Variants in GRHL2 observed in about 807,000 individuals in gnomAD.
GRHL2 encodes grainyhead-like protein 2 homolog.
Under a neutral mutation model 83.8 loss-of-function variants are expected in GRHL2, and 21 were observed. The ratio of observed to expected loss-of-function variants is 0.25; its 90% CI spans 0.18 to 0.36. GRHL2 has a LOEUF of 0.36. Among genes scored for constraint, GRHL2 ranks in the 10% least tolerant of loss-of-function variants. The probability of loss-of-function intolerance (pLI) is 1.00; values close to 1 mark genes in which losing one functional copy is unlikely to be tolerated. For synonymous variants in GRHL2, 280 were observed against 278.9 expected (o/e 1.00, Z -0.04); for missense variants, 623 against 781.8 (o/e 0.80, Z 2.42).
intron 4 of GRHL2, among the ~76,000 whole-genome samples, chr8:101,564,755 G>T (rs1811679296): frequency 7.4e-6 from 1 of 134,744 alleles, no homozygotes; most frequent in Non-Finnish European, 1.5e-5. Flanking sequence ...CAGGCTGCAG[G>T]AAGCTATGAT....
At chr8:101,547,943 G>T (rs1005704914) in intron 2 of GRHL2, among the ~76,000 whole-genome samples, 1 of 152,192 alleles carries the variant, frequency 6.6e-6, no homozygotes, top group Non-Finnish European at 1.5e-5. Flanking sequence ...AAATGTGACA[G>T]ATTCAATTAG....
chr8:101,678,586 C>A, the GRHL2 span, among the ~76,000 whole-genome samples: 1 of 151,784 alleles, frequency 6.6e-6, no homozygotes, highest in Non-Finnish European at 1.5e-5. Flanking sequence ...CACCACAGCT[C>A]AAGGAGGCCT....
At chr8:101,584,424 T>C (rs1812121745) in intron 7 of GRHL2, among the ~76,000 whole-genome samples, 1 of 152,162 alleles carries the variant, frequency 6.6e-6, no homozygotes, top group Non-Finnish European at 1.5e-5. Flanking sequence ...CATAGTTCTC[T>C]TTGAGGGCAA....
Position 101,626,496 on chromosome 8 carries a change from C to A in GRHL2, c.1258-5141C>A, listed in dbSNP as rs552540022. 4.6e-5 allele frequency among the ~76,000 whole-genome samples: 7 copies of A among 152,126 alleles called. No homozygotes were observed. The South Asian group carries it at 1.5e-3, about 32-fold the overall frequency. ...CTTTCGTGAAGGTTTTGTATTACTGCAAACAATAGCTACATATTGTGGAAA... is the reference window on the plus strand; with the variant it reads ...CTTTCGTGAAGGTTTTGTATTACTGAAAACAATAGCTACATATTGTGGAAA... On this transcript the variant is annotated intron_variant, in intron 9 of 15. Transcript: ENST00000646743.
At chr8:101,522,371 T>A (rs1013727456) in intron 1 of GRHL2, among the ~76,000 whole-genome samples, 11 of 152,168 alleles carry the variant, frequency 7.2e-5, no homozygotes, top group Admixed American at 6.5e-4. Context: ...TTATAAGTAA[T>A]CTAGAGGTGA....
At chr8:101,578,002 C>T (rs766456478) in intron 7 of GRHL2, among the ~76,000 whole-genome samples, 6 of 152,142 alleles carry the variant, frequency 3.9e-5, no homozygotes, top group Non-Finnish European at 7.3e-5. Context: ...GCTAGGTGGT[C>T]ACGCAAGTGA....
chr8:101,636,766 C>CACACTGTT, intron 11 of GRHL2, 131 bp from the exon 12 acceptor site: 2 of 752,230 alleles, frequency 2.7e-6, no homozygotes, highest in Non-Finnish European at 4.8e-6. Flanking sequence ...CACACACACA[C>CACACTGTT]TGTTATTAAA....
chr8:101,670,832 T>A (rs1563638165), downstream of GRHL2, among the ~76,000 whole-genome samples: 1 of 152,216 alleles, frequency 6.6e-6, no homozygotes, highest in Non-Finnish European at 1.5e-5. Flanking sequence ...CTCTCTACAC[T>A]GATTCAGTTC....
chr8:101,539,942 G>T (rs1268440237), intron 1 of GRHL2, among the ~76,000 whole-genome samples: 1 of 152,136 alleles, frequency 6.6e-6, no homozygotes, highest in African/African-American at 2.4e-5. Flanking sequence ...TGGCAGGTAC[G>T]TGGGGTAAAG....
At chr8:101,522,056 C>T (rs1313645271) in intron 1 of GRHL2, among the ~76,000 whole-genome samples, 1 of 152,010 alleles carries the variant, frequency 6.6e-6, no homozygotes, top group African/African-American at 2.4e-5. Flanking sequence ...TGGTTTTGTC[C>T]TCATGGAAGA....
At chr8:101,671,663 CCTGT>C (rs1814212379), downstream of GRHL2, among the ~76,000 whole-genome samples, 2 of 152,300 alleles carry the variant, frequency 1.3e-5, no homozygotes, top group African/African-American at 2.4e-5. Flanking sequence ...CTTAAATGTC[CCTGT>C]CTGACAGCTT....
chr8:101,572,022 A>C (rs1040822216), intron 5 of GRHL2, among the ~76,000 whole-genome samples: 1 of 152,160 alleles, frequency 6.6e-6, no homozygotes, highest in Admixed American at 6.5e-5. Flanking sequence ...TGAAATGAGG[A>C]AGGTGGGCTG....
intron 2 of GRHL2, among the ~76,000 whole-genome samples, chr8:101,549,641 A>T (rs551589692): frequency 8.5e-5 from 13 of 152,302 alleles, no homozygotes; most frequent in Admixed American, 2.0e-4. Context: ...GAAGTAAATC[A>T]TCTGTCCCTG....
chr8:101,663,280 T>G (rs1163185559), intron 14 of GRHL2, among the ~76,000 whole-genome samples: 3 of 152,218 alleles, frequency 2.0e-5, no homozygotes, highest in African/African-American at 7.2e-5. Context: ...TTTCTCATAC[T>G]CTGGCTGATG....
At chr8:101,562,419 T>G in intron 4 of GRHL2, 1 of 566,154 alleles carries the variant, frequency 1.8e-6, no homozygotes, top group Non-Finnish European at 3.0e-6. Context: ...TTGCAATTAT[T>G]GTGGACAAAC....
rs563583277 is a variant in GRHL2 at position 101,537,299 on chromosome 8, T to C, written c.21-5942T>C. ...GCAATGAAAGCTGTAAGAACAATGA[T>C]GTAGAGAAATAAGAAAAATACCAAG... On this transcript the variant is annotated intron_variant, in intron 1 of 15. Transcript: ENST00000646743. Among the ~76,000 whole-genome samples the C allele has an allele frequency of 2.0e-5, 3 of 152,210 alleles. No homozygotes were observed. In the South Asian group the frequency reaches 6.2e-4, roughly 32 times the overall value.
chr8:101,545,053 G>A (rs996229354), intron 2 of GRHL2, among the ~76,000 whole-genome samples: 3 of 152,148 alleles, frequency 2.0e-5, no homozygotes, highest in Admixed American at 6.5e-5. Context: ...AAAACAAAGC[G>A]AGGCTTTATC....
At chr8:101,674,351 T>C (rs1337333357), downstream of GRHL2, among the ~76,000 whole-genome samples, 3 of 151,826 alleles carry the variant, frequency 2.0e-5, no homozygotes, top group African/African-American at 4.8e-5. Flanking sequence ...ATCAAAAAGA[T>C]GTAATAAAAA....
intron 3 of GRHL2, among the ~76,000 whole-genome samples, chr8:101,557,453 A>G (rs1811512190): frequency 6.6e-6 from 1 of 152,020 alleles, no homozygotes. Context: ...GGAACTCCTG[A>G]CCACAGGTGA....
Sources: allele counts gnomAD v4.1 joint callset (sites outside exome capture counted in the v4.1 genomes callset), GRCh38; gene constraint gnomAD v4.1.1; transcripts MANE v1.5; gene names NCBI Gene and HGNC (gene_info 2026-07-23, HGNC 2026-07-21).